The following CCSER1 variants were observed in gnomAD, a reference collection of about 807,000 sequenced individuals.
CCSER1 encodes serine-rich coiled-coil domain-containing protein 1.
In CCSER1, 41 loss-of-function variants were observed where a neutral mutation model predicts 82.0. The observed-to-expected ratio is 0.50, with a 90% confidence interval of 0.39 to 0.65. The LOEUF is 0.65. Ranked by LOEUF, CCSER1 falls within the 30% of genes least tolerant of loss-of-function variation. The pLI is 0.00. For synonymous variants in CCSER1, 414 were observed against 383.9 expected (o/e 1.08, Z -0.92); for missense variants, 1,119 against 1,064.2 (o/e 1.05, Z -0.72).
intron 4 of CCSER1, among the ~76,000 whole-genome samples, chr4:90,455,418 G>GTGAT (rs931349967): frequency 1.3e-5 from 2 of 152,130 alleles, no homozygotes; most frequent in African/African-American, 4.8e-5. Flanking sequence ...GGAGGAAAAG[G>GTGAT]TGATTTTTCT....
chr4:91,363,258 A>G (rs1034173041), intron 10 of CCSER1, among the ~76,000 whole-genome samples: 1 of 151,846 alleles, frequency 6.6e-6, no homozygotes, highest in Non-Finnish European at 1.5e-5. Flanking sequence ...GAAAAGACCT[A>G]TAGTTTACGT....
At chr4:91,469,019 T>C (rs997535116) in intron 10 of CCSER1, among the ~76,000 whole-genome samples, 1 of 152,178 alleles carries the variant, frequency 6.6e-6, no homozygotes, top group Admixed American at 6.5e-5. Flanking sequence ...AAATAGTTTG[T>C]TAGTTTATTA....
intron 10 of CCSER1, among the ~76,000 whole-genome samples, chr4:91,153,084 G>A (rs1469200345): frequency 6.6e-6 from 1 of 151,878 alleles, no homozygotes; most frequent in Non-Finnish European, 1.5e-5. Flanking sequence ...AAGTTCTCCT[G>A]GATAATATCC....
chr4:91,441,764 T>G (rs1320149264), intron 10 of CCSER1, among the ~76,000 whole-genome samples: 1 of 152,180 alleles, frequency 6.6e-6, no homozygotes, highest in Non-Finnish European at 1.5e-5. Flanking sequence ...ATAAGCAACT[T>G]CAGCAAAGTC....
intron 6 of CCSER1, among the ~76,000 whole-genome samples, chr4:90,713,669 T>C (rs1741070661): frequency 1.3e-5 from 2 of 151,958 alleles, no homozygotes; most frequent in Non-Finnish European, 2.9e-5. Context: ...CTCTGCATTT[T>C]CTGAATTTGA....
intron 4 of CCSER1, among the ~76,000 whole-genome samples, chr4:90,467,320 G>A (rs1288301521): frequency 6.6e-6 from 1 of 152,012 alleles, no homozygotes; most frequent in Non-Finnish European, 1.5e-5. Context: ...GGAGGCAGAG[G>A]TTGTGTTGAG....
chr4:90,462,661 A>G (rs991259022), intron 4 of CCSER1, among the ~76,000 whole-genome samples: 1 of 152,206 alleles, frequency 6.6e-6, no homozygotes, highest in African/African-American at 2.4e-5. Context: ...GCTTGAGCCC[A>G]GGACTTTGAG....
chr4:90,538,326 T>C (rs1023735878), intron 5 of CCSER1, among the ~76,000 whole-genome samples: 5 of 152,124 alleles, frequency 3.3e-5, no homozygotes, highest in Admixed American at 1.3e-4. Context: ...TACATAGAAT[T>C]TAACTTTTAA....
At chr4:91,355,517 T>C (rs1748763354) in intron 10 of CCSER1, among the ~76,000 whole-genome samples, 8 of 152,276 alleles carry the variant, frequency 5.3e-5, no homozygotes, top group Admixed American at 4.6e-4. Context: ...GGTACACTTA[T>C]AATAACCATA....
intron 1 of CCSER1, among the ~76,000 whole-genome samples, chr4:90,190,543 C>T (rs759481340): frequency 5.3e-5 from 8 of 152,042 alleles, no homozygotes; most frequent in Non-Finnish European, 8.8e-5. Context: ...TTAACACCAC[C>T]GGGGCTTTCA....
At chr4:90,226,750 G>T (rs759659284) in intron 1 of CCSER1, among the ~76,000 whole-genome samples, 12 of 152,216 alleles carry the variant, frequency 7.9e-5, no homozygotes, top group Non-Finnish European at 1.6e-4. Flanking sequence ...TCAAGAAAGA[G>T]CTTGTTCTTC....
intron 7 of CCSER1, among the ~76,000 whole-genome samples, chr4:90,758,633 T>C (rs1254951915): frequency 6.6e-6 from 1 of 152,150 alleles, no homozygotes; most frequent in South Asian, 2.1e-4. Flanking sequence ...GTGTTATTTT[T>C]AAGTGTTTTT....
chr4:91,228,711 G>A (rs1369103517), intron 10 of CCSER1, among the ~76,000 whole-genome samples: 2 of 151,928 alleles, frequency 1.3e-5, no homozygotes, highest in Non-Finnish European at 1.5e-5. Context: ...TGGAATAAAT[G>A]GAATCTGCCA....
intron 8 of CCSER1, among the ~76,000 whole-genome samples, chr4:90,870,712 A>G (rs1334043037): frequency 6.6e-6 from 1 of 151,534 alleles, no homozygotes; most frequent in East Asian, 1.9e-4. Flanking sequence ...ATGCATGTAG[A>G]AGTACTTCCT....
At chr4:91,296,483 A>ATATATATATATATATATATATATATATT (rs1175690764) in intron 10 of CCSER1, among the ~76,000 whole-genome samples, 2 of 124,044 alleles carry the variant, frequency 1.6e-5, no homozygotes, top group Non-Finnish European at 3.3e-5. Flanking sequence ...ATATATATAT[A>ATATATATATATATATATATATATATATT]TATTTTAATT....
At chr4:90,563,260 C>T (rs1414136009) in intron 5 of CCSER1, among the ~76,000 whole-genome samples, 22 of 151,954 alleles carry the variant, frequency 1.4e-4, no homozygotes, top group African/African-American at 3.9e-4. Flanking sequence ...TACAGGTGCC[C>T]GCCACCATGC....
intron 5 of CCSER1, among the ~76,000 whole-genome samples, chr4:90,492,260 C>T (rs1273248446): frequency 6.6e-6 from 1 of 152,008 alleles, no homozygotes; most frequent in Admixed American, 6.6e-5. Context: ...GTGTATGTGT[C>T]CAGGAATTTA....
chr4:90,700,866 G>T (rs1737948740), intron 6 of CCSER1, among the ~76,000 whole-genome samples: 1 of 152,026 alleles, frequency 6.6e-6, no homozygotes, highest in Admixed American at 6.5e-5. Context: ...TGAGTTCTTT[G>T]TATATTCTGG....
chr4:90,696,213 T>C (rs540986951), intron 6 of CCSER1, among the ~76,000 whole-genome samples: 1 of 152,262 alleles, frequency 6.6e-6, no homozygotes, highest in Admixed American at 6.5e-5. Flanking sequence ...TTTTCACCTG[T>C]GTTTTGTGGC....
Sources: allele counts gnomAD v4.1 joint callset (sites outside exome capture counted in the v4.1 genomes callset), GRCh38; gene constraint gnomAD v4.1.1; transcripts MANE v1.5; gene names NCBI Gene and HGNC (gene_info 2026-07-23, HGNC 2026-07-21).